CCDC6: variants seen among roughly 807,000 people sequenced by gnomAD.
CCDC6 encodes coiled-coil domain-containing protein 6.
In CCDC6, 20 loss-of-function variants were observed where a neutral mutation model predicts 56.6. The ratio of observed to expected loss-of-function variants is 0.35; its 90% confidence interval spans 0.25 to 0.51. The LOEUF (loss-of-function observed/expected upper bound fraction) is 0.51. Ranked by LOEUF, CCDC6 falls within the 20% of genes least tolerant of loss-of-function variation. The pLI, the probability that CCDC6 is intolerant of heterozygous loss-of-function variation, is 0.95. For missense variants in CCDC6, 367 were observed against 601.1 expected, an observed-to-expected ratio of 0.61 and a Z score of 4.07; for synonymous variants, 241 against 234.4, an observed-to-expected ratio of 1.03 and a Z score of -0.26.
intron 2 of CCDC6, among the ~76,000 whole-genome samples, chr10:59,835,456 T>C (rs1292621841): frequency 1.3e-5 from 2 of 152,192 alleles, no homozygotes; most frequent in Non-Finnish European, 2.9e-5. Flanking sequence ...TTAGGAGGCA[T>C]TTTCCTCTCA....
chr10:59,865,043 G>C (rs574147679), intron 1 of CCDC6, among the ~76,000 whole-genome samples: 9 of 152,276 alleles, frequency 5.9e-5, no homozygotes, highest in Admixed American at 4.6e-4. Flanking sequence ...GAAGCTACTG[G>C]GGAAGTTCTT....
Position 59,791,916 on chromosome 10 carries a change from G to A in CCDC6, c.*1001C>T, listed in dbSNP as rs2132617955. On this transcript the variant is annotated 3_prime_UTR_variant, in exon 9 of 9. Transcript: ENST00000263102. ...TAGACCTTATTTTCTTTTCTGCCAA[G>A]CAATACAATATTTTCTGGCCATTAT... The A allele has an allele frequency of 4.5e-6, 1 of 220,560 alleles. No individual in the cohort carries two copies. Among genetic ancestry groups the A allele is most frequent in the South Asian group, 1.8e-4 (1 of 5,420 alleles). The allele number at this position is 220,560 out of a possible 1,614,324, so 13.7% of individuals were successfully genotyped here.
intron 1 of CCDC6, 44 bp downstream of exon 1, chr10:59,906,078 C>A (rs1174421694): frequency 5.3e-6 from 8 of 1,499,928 alleles, no homozygotes; most frequent in African/African-American, 1.4e-5. Context: ...CCTCCCGGGG[C>A]GGGCGGAGGT....
chr10:59,878,831 T>C (rs1315206629), intron 1 of CCDC6, among the ~76,000 whole-genome samples: 2 of 152,164 alleles, frequency 1.3e-5, no homozygotes, highest in Non-Finnish European at 2.9e-5. Context: ...AAGAGCCCCC[T>C]TTCAGAAAAT....
intron 1 of CCDC6, among the ~76,000 whole-genome samples, chr10:59,879,979 C>T (rs1052330948): frequency 6.6e-5 from 10 of 151,994 alleles, no homozygotes; most frequent in African/African-American, 1.2e-4. Context: ...TTGATAAAAC[C>T]GAATTTAACT....
intron 1 of CCDC6, among the ~76,000 whole-genome samples, chr10:59,902,291 T>C (rs1032338503): frequency 2.6e-5 from 4 of 152,136 alleles, no homozygotes; most frequent in African/African-American, 9.7e-5. Flanking sequence ...TGGACTTGGC[T>C]TTAAAAAGGG....
chr10:59,871,468 TAAA>T (rs138741485), intron 1 of CCDC6, among the ~76,000 whole-genome samples: 9,588 of 98,164 alleles, frequency 0.098, 714 homozygotes, highest in African/African-American at 0.24. Flanking sequence ...TAATACTCAT[TAAA>T]AAAAAAAAAA....
At position 59,789,185 on chromosome 10, in the gene CCDC6, G is replaced by A. The variant is rs1261144632; in HGVS notation, c.*3732C>T. The A allele has an allele frequency of 8.7e-6, 2 of 230,608 alleles. No homozygotes were observed. Among genetic ancestry groups the A allele is most frequent in the Non-Finnish European group, 8.6e-6 (1 of 116,318 alleles). 14.3% of individuals were successfully genotyped at this position (230,608 alleles called of 1,614,324 possible). A position where few individuals can be genotyped will look rare whatever the true frequency, so the allele number is the denominator to read the frequency against. ...TTTTTGCCAGGATGAAGTTCAGACCGAGATGTACAATACAATCTAGATGAC... is the reference window on the plus strand; with the variant it reads ...TTTTTGCCAGGATGAAGTTCAGACCAAGATGTACAATACAATCTAGATGAC... On this transcript the variant is annotated 3_prime_UTR_variant, in exon 9 of 9. Coordinates refer to ENST00000263102, the MANE Select transcript of CCDC6 (RefSeq NM_005436.5).
At chr10:59,890,572 A>G (rs181339245) in intron 1 of CCDC6, among the ~76,000 whole-genome samples, 10 of 152,316 alleles carry the variant, frequency 6.6e-5, no homozygotes, top group African/African-American at 2.4e-4. Flanking sequence ...TTCCTAAGTC[A>G]CATCATTTAT....
intron 1 of CCDC6, among the ~76,000 whole-genome samples, chr10:59,882,765 T>C (rs1448139730): frequency 6.6e-6 from 1 of 152,016 alleles, no homozygotes; most frequent in Non-Finnish European, 1.5e-5. Context: ...TCGAGACCAT[T>C]CTGGGTAACA....
At chr10:59,798,286 G>A (rs1207925446) in intron 7 of CCDC6, among the ~76,000 whole-genome samples, 5 of 152,280 alleles carry the variant, frequency 3.3e-5, no homozygotes, top group South Asian at 2.1e-4. Flanking sequence ...TCTGAATTAC[G>A]TAAAAACAAG....
chr10:59,896,196 TAC>T (rs1310445313), intron 1 of CCDC6, among the ~76,000 whole-genome samples: 5 of 152,196 alleles, frequency 3.3e-5, no homozygotes, highest in African/African-American at 1.2e-4. Flanking sequence ...AAAATAAAAT[TAC>T]AGTTTATTCC....
At chr10:59,836,146 G>C (rs2070881018) in intron 2 of CCDC6, among the ~76,000 whole-genome samples, 1 of 151,658 alleles carries the variant, frequency 6.6e-6, no homozygotes, top group South Asian at 2.1e-4. Context: ...ATGAGCAAGA[G>C]GTAGGAGGCA....
In CCDC6 at chr10:59,838,918, C is replaced by A. The variant is rs534444683; in HGVS notation, c.454-6265G>T. Among the ~76,000 whole-genome samples the A allele has an allele frequency of 4.6e-5, 7 of 152,296 alleles. No individual in the cohort carries two copies. In the South Asian group the frequency reaches 1.5e-3, roughly 32 times the overall value. ...TCCCACAGGCCCTCAGCATAATGTG[C>A]ACTCACCCTCCTTTAAGGGGTGAGA... On this transcript the variant is annotated intron_variant, in intron 2 of 8. Transcript: ENST00000263102.
chr10:59,862,132 T>C (rs115233391), intron 1 of CCDC6, among the ~76,000 whole-genome samples: 2,067 of 152,156 alleles, frequency 0.014, 54 homozygotes, highest in African/African-American at 0.045. Context: ...TGAAGGATAC[T>C]TATAATACAT....
At chr10:59,819,495 C>T (rs2070735068) in intron 3 of CCDC6, among the ~76,000 whole-genome samples, 2 of 152,174 alleles carry the variant, frequency 1.3e-5, no homozygotes, top group African/African-American at 4.8e-5. Flanking sequence ...TTCCTGCCCA[C>T]CTAATTCCAA....
intron 1 of CCDC6, among the ~76,000 whole-genome samples, chr10:59,861,217 G>C (rs1462117578): frequency 6.6e-6 from 1 of 151,704 alleles, no homozygotes; most frequent in Non-Finnish European, 1.5e-5. Flanking sequence ...TAATAATCCG[G>C]GTGCGGTGGT....
intron 5 of CCDC6, among the ~76,000 whole-genome samples, chr10:59,809,679 C>G (rs1454126820): frequency 1.3e-5 from 2 of 152,156 alleles, no homozygotes; most frequent in African/African-American, 4.8e-5. Context: ...CAGCCATCTC[C>G]CAATATAGTA....
intron 1 of CCDC6, among the ~76,000 whole-genome samples, chr10:59,903,619 T>C (rs3793865): frequency 0.13 from 19,539 of 152,050 alleles, 1,558 homozygotes; most frequent in African/African-American, 0.22. Flanking sequence ...ATATCATAAT[T>C]AGAACTAAAA....
Sources: gnomAD v4.1 joint callset for allele counts (sites outside exome capture counted in the v4.1 genomes callset) on GRCh38, gnomAD v4.1.1 for gene constraint, MANE v1.5 for transcripts, NCBI Gene and HGNC (gene_info 2026-07-23, HGNC 2026-07-21) for gene names.